The following PITPNA variants were observed in gnomAD, a reference collection of about 807,000 sequenced individuals.
The protein encoded by PITPNA is phosphatidylinositol transfer protein alpha isoform.
Under a neutral mutation model 50.3 loss-of-function variants are expected in PITPNA, and 13 were observed. That is an observed-to-expected ratio of 0.26 (90% CI 0.17 to 0.41). The LOEUF (loss-of-function observed/expected upper bound fraction) is 0.41. Among genes scored for constraint, PITPNA ranks in the 10% least tolerant of loss-of-function variants. PITPNA has a pLI of 1.00. For missense variants in PITPNA, 207 were observed against 333.4 expected (o/e 0.62, Z 2.95); for synonymous variants, 120 against 119.6 (o/e 1.00, Z -0.02).
At chr17:1,553,184 G>C (rs1454189893) in intron 2 of PITPNA, 35 bp from the exon 3 acceptor site, 1 of 1,611,102 alleles carries the variant, frequency 6.2e-7, no homozygotes, top group Non-Finnish European at 8.5e-7. Flanking sequence ...TCTCAACACG[G>C]ACCCTTCTCA....
chr17:1,534,594 T>C (rs1489959066), intron 9 of PITPNA, among the ~76,000 whole-genome samples: 4 of 152,196 alleles, frequency 2.6e-5, no homozygotes, highest in Admixed American at 6.5e-5. Flanking sequence ...CCAGCAGCTA[T>C]GAAATATGGC....
chr17:1,535,116 G>T, intron 9 of PITPNA, 66 bp downstream of exon 9: 2 of 985,150 alleles, frequency 2.0e-6, no homozygotes, highest in Non-Finnish European at 3.2e-6. Context: ...TATGGATGAA[G>T]TTCTCCACCA....
intron 3 of PITPNA, among the ~76,000 whole-genome samples, chr17:1,550,861 C>T (rs2075704446): frequency 6.6e-6 from 1 of 152,230 alleles, no homozygotes; most frequent in Non-Finnish European, 1.5e-5. Context: ...ACACTTGAAG[C>T]GGTGCGGAGA....
intron 10 of PITPNA, among the ~76,000 whole-genome samples, chr17:1,531,152 G>A (rs548482237): frequency 1.2e-4 from 18 of 152,198 alleles, no homozygotes; most frequent in African/African-American, 3.9e-4. Flanking sequence ...AGAATACGAC[G>A]GAATTAAAGT....
At chr17:1,523,076 G>A (rs1317694080) in intron 10 of PITPNA, among the ~76,000 whole-genome samples, 3 of 152,168 alleles carry the variant, frequency 2.0e-5, no homozygotes, top group African/African-American at 7.2e-5. Flanking sequence ...ATCCACAGAT[G>A]TGCAAGGCTG....
intron 7 of PITPNA, among the ~76,000 whole-genome samples, chr17:1,536,604 A>G (rs952055676): frequency 8.9e-6 from 1 of 112,970 alleles, no homozygotes; most frequent in African/African-American, 3.5e-5. Context: ...TTTTTATTTT[A>G]TTTTTTTGAG....
rs748934198 is a variant in PITPNA, at chr17:1,534,251, G to A, written c.646-30C>T. 79 of 1,612,572 alleles carry A rather than the reference G, an allele frequency of 4.9e-5. No individual in the cohort carries two copies. The African/African-American group carries it at 7.2e-4, about 15-fold the overall frequency. On this transcript the variant is annotated intron_variant, in intron 9 of 11. Coordinates refer to ENST00000313486, the MANE Select transcript of PITPNA (RefSeq NM_006224.4). ...AGAAAGGAGGGAACCACGTTAGAAC[G>A]CAGAAGGCAAAGGCTGCTGCCACAG...
At chr17:1,544,014 T>C (rs2075660975) in intron 4 of PITPNA, among the ~76,000 whole-genome samples, 1 of 152,244 alleles carries the variant, frequency 6.6e-6, no homozygotes, top group Admixed American at 6.5e-5. Flanking sequence ...ATGTGGCATC[T>C]CTGGCAGCGC....
intron 6 of PITPNA, among the ~76,000 whole-genome samples, chr17:1,540,478 G>T (rs1240858558): frequency 6.6e-6 from 1 of 152,118 alleles, no homozygotes; most frequent in Non-Finnish European, 1.5e-5. Flanking sequence ...ATCCTTCACT[G>T]AACAGTCAAC....
chr17:1,548,519 G>A, intron 3 of PITPNA, 132 bp from the exon 4 acceptor site: 2 of 627,878 alleles, frequency 3.2e-6, no homozygotes, highest in Non-Finnish European at 2.7e-6. Flanking sequence ...ACTGGTGGGA[G>A]TGAGAAGTTA....
chr17:1,555,280 A>G (rs949429801), intron 2 of PITPNA, among the ~76,000 whole-genome samples: 4 of 152,160 alleles, frequency 2.6e-5, no homozygotes, highest in African/African-American at 4.8e-5. Context: ...TCCCCCTTCA[A>G]TCTCTCTTGA....
intron 2 of PITPNA, among the ~76,000 whole-genome samples, chr17:1,558,020 C>T (rs2075745877): frequency 1.3e-5 from 2 of 152,080 alleles, no homozygotes; most frequent in Non-Finnish European, 2.9e-5. Flanking sequence ...CACTTGAGGT[C>T]GGGAGTTTGA....
intron 4 of PITPNA, among the ~76,000 whole-genome samples, chr17:1,544,820 C>A (rs925124725): frequency 2.0e-5 from 3 of 152,068 alleles, no homozygotes; most frequent in African/African-American, 7.2e-5. Context: ...TGCCTGTAAT[C>A]CCAGGCACTG....
chr17:1,552,855 GTATAACATT>G, intron 3 of PITPNA, 140 bp downstream of exon 3: 1 of 794,332 alleles, frequency 1.3e-6, no homozygotes, highest in Non-Finnish European at 2.0e-6. Context: ...ATAAATGTGA[GTATAACATT>G]TATACAGTCA....
chr17:1,534,666 G>A (rs2075604008), intron 9 of PITPNA, among the ~76,000 whole-genome samples: 1 of 152,240 alleles, frequency 6.6e-6, no homozygotes, highest in African/African-American at 2.4e-5. Context: ...GACCTGCCCA[G>A]CAGAGTAATT....
intron 5 of PITPNA, among the ~76,000 whole-genome samples, chr17:1,542,337 C>T (rs986169144): frequency 2.0e-5 from 3 of 152,312 alleles, no homozygotes; most frequent in Admixed American, 6.5e-5. Context: ...CCTAACCCAT[C>T]GAAGATACTC....
intron 10 of PITPNA, among the ~76,000 whole-genome samples, chr17:1,532,065 G>A (rs73296918): frequency 0.1 from 15,749 of 152,108 alleles, 925 homozygotes; most frequent in East Asian, 0.14. Context: ...GATTCTCCAT[G>A]GAATGGAGAA....
chr17:1,524,145 C>T (rs756940994), intron 10 of PITPNA, among the ~76,000 whole-genome samples: 7 of 149,870 alleles, frequency 4.7e-5, no homozygotes, highest in Non-Finnish European at 7.4e-5. Context: ...CCTGGGTTCA[C>T]GCCATTCTCC....
intron 6 of PITPNA, among the ~76,000 whole-genome samples, chr17:1,540,591 CT>C (rs2075643149): frequency 1.3e-5 from 2 of 148,918 alleles, no homozygotes; most frequent in East Asian, 4.0e-4. Context: ...CCTTTTTTTT[CT>C]CTTTTTTTTT....
Sources: gnomAD v4.1 joint callset for allele counts (sites outside exome capture counted in the v4.1 genomes callset) on GRCh38, gnomAD v4.1.1 for gene constraint, MANE v1.5 for transcripts, NCBI Gene and HGNC (gene_info 2026-07-23, HGNC 2026-07-21) for gene names.